Variants in AK5 observed in about 807,000 individuals in gnomAD.
AK5 encodes adenylate kinase isoenzyme 5.
AK5 carries 27 observed loss-of-function variants against 69.5 expected under a neutral mutation model. The ratio of observed to expected loss-of-function variants is 0.39; its 90% CI spans 0.29 to 0.54. The LOEUF is 0.54. AK5 is among the 20% of genes least tolerant of loss of function. The pLI is 0.71. For missense variants in AK5, 531 were observed against 700.4 expected (o/e 0.76, Z 2.73); for synonymous variants, 260 against 244.4 (o/e 1.06, Z -0.60).
chr1:77,497,566 A>T (rs1275554272), intron 10 of AK5, among the ~76,000 whole-genome samples: 1 of 152,172 alleles, frequency 6.6e-6, no homozygotes, highest in Non-Finnish European at 1.5e-5. Context: ...GAAGAAATAG[A>T]GTTTGAGAGA....
chr1:77,393,363 T>C (rs185621479), intron 6 of AK5, among the ~76,000 whole-genome samples: 1 of 152,304 alleles, frequency 6.6e-6, no homozygotes, highest in East Asian at 1.9e-4. Flanking sequence ...TAGTGTCTGC[T>C]TGATTCAAAA....
chr1:77,404,822 C>A (rs1179539343), intron 6 of AK5, among the ~76,000 whole-genome samples: 1 of 152,164 alleles, frequency 6.6e-6, no homozygotes, highest in Non-Finnish European at 1.5e-5. Context: ...GTTGAAGAAT[C>A]CACATGTGAA....
At position 77,510,661 on chromosome 1, in the gene AK5, A is replaced by G. The variant is rs182075380; in HGVS notation, c.1148-7903A>G. ...ATGCCAACCGAGAGAAATATATTTC[A>G]TATGGACAAAAAAGAGAGCGTCAAG... On this transcript the variant is annotated intron_variant, in intron 10 of 13. Coordinates refer to ENST00000354567, the MANE Select transcript of AK5 (RefSeq NM_174858.3). Among the ~76,000 whole-genome samples, 169 of 152,288 alleles carry G rather than the reference A, an allele frequency of 1.1e-3. 1 individual carries two copies. Among genetic ancestry groups the G allele is most frequent in the African/African-American group, 3.5e-3 (147 of 41,570 alleles).
chr1:77,343,199 TGTG>T (rs1661745634), intron 6 of AK5, among the ~76,000 whole-genome samples: 1 of 152,202 alleles, frequency 6.6e-6, no homozygotes, highest in Non-Finnish European at 1.5e-5. Flanking sequence ...TGGGATTCCC[TGTG>T]GTGAATAAAA....
chr1:77,484,746 G>T (rs1389338874), intron 9 of AK5, among the ~76,000 whole-genome samples: 1 of 152,008 alleles, frequency 6.6e-6, no homozygotes, highest in East Asian at 1.9e-4. Flanking sequence ...TAACATTTTG[G>T]TACATTTCAT....
chr1:77,303,586 A>T (rs1659460993), intron 5 of AK5, among the ~76,000 whole-genome samples: 1 of 152,246 alleles, frequency 6.6e-6, no homozygotes, highest in Non-Finnish European at 1.5e-5. Flanking sequence ...TCCTGTCGCC[A>T]CTGCGAAACT....
At chr1:77,524,051 C>A (rs1658141401) in intron 12 of AK5, among the ~76,000 whole-genome samples, 2 of 152,168 alleles carry the variant, frequency 1.3e-5, no homozygotes, top group Non-Finnish European at 2.9e-5. Flanking sequence ...ATTCTAGGTA[C>A]CTCTTATTTC....
At chr1:77,387,948 G>C (rs1324629609) in intron 6 of AK5, among the ~76,000 whole-genome samples, 1 of 150,578 alleles carries the variant, frequency 6.6e-6, no homozygotes, top group Non-Finnish European at 1.5e-5. Context: ...CATTATTTCT[G>C]TGTTAAAATT....
intron 6 of AK5, among the ~76,000 whole-genome samples, chr1:77,377,520 A>G (rs978189194): frequency 6.6e-6 from 1 of 152,108 alleles, no homozygotes; most frequent in Non-Finnish European, 1.5e-5. Flanking sequence ...TCTTGCTGAC[A>G]TTACTACAAT....
At chr1:77,344,819 G>A (rs969042131) in intron 6 of AK5, among the ~76,000 whole-genome samples, 6 of 151,762 alleles carry the variant, frequency 4.0e-5, no homozygotes, top group African/African-American at 1.5e-4. Flanking sequence ...CCCATCACCT[G>A]AGCAGTATTT....
At chr1:77,494,492 C>T (rs1656178862) in intron 10 of AK5, among the ~76,000 whole-genome samples, 2 of 152,082 alleles carry the variant, frequency 1.3e-5, no homozygotes, top group African/African-American at 4.8e-5. Context: ...GTTCTGTGTA[C>T]CCTTGGGCCA....
chr1:77,399,092 C>T (rs74469566), intron 6 of AK5, among the ~76,000 whole-genome samples: 12,870 of 152,052 alleles, frequency 0.085, 729 homozygotes, highest in South Asian at 0.17. Context: ...TTTCAGCTAC[C>T]CCCAATAGAA....
intron 8 of AK5, among the ~76,000 whole-genome samples, chr1:77,454,065 C>G (rs1200892377): frequency 6.6e-6 from 1 of 152,138 alleles, no homozygotes; most frequent in African/African-American, 2.4e-5. Flanking sequence ...ACATGAGATG[C>G]TTATTGTTCA....
intron 6 of AK5, among the ~76,000 whole-genome samples, chr1:77,408,097 G>C (rs917131670): frequency 1.3e-5 from 2 of 152,080 alleles, no homozygotes; most frequent in African/African-American, 4.8e-5. Flanking sequence ...GAACATATGA[G>C]TGCATTTGTC....
rs111658746 is a variant in AK5 at position 77,319,571 on chromosome 1, G to T, written c.700-20806G>T. Among the ~76,000 whole-genome samples, 947 of 152,236 alleles carry T rather than the reference G, an allele frequency of 6.2e-3. 9 individuals carry two copies. Among genetic ancestry groups the T allele is most frequent in the African/African-American group, 0.021 (882 of 41,524 alleles). ...TGCCTCATAAGGATGAGTGACAAAA[G>T]GCTGCCCAGTGGTAACATTTTGTAT... On this transcript the variant is annotated intron_variant, in intron 5 of 13. Coordinates refer to ENST00000354567, the MANE Select transcript of AK5 (RefSeq NM_174858.3).
At chr1:77,384,265 G>A (rs1406953333) in intron 6 of AK5, among the ~76,000 whole-genome samples, 2 of 152,176 alleles carry the variant, frequency 1.3e-5, no homozygotes, top group East Asian at 3.8e-4. Flanking sequence ...ATTGCAGGCA[G>A]CAGTGTTTTA....
At chr1:77,364,417 A>G (rs1646915998) in intron 6 of AK5, among the ~76,000 whole-genome samples, 1 of 152,134 alleles carries the variant, frequency 6.6e-6, no homozygotes, top group Non-Finnish European at 1.5e-5. Context: ...AAATTGTATG[A>G]TATGCTATTG....
intron 6 of AK5, among the ~76,000 whole-genome samples, chr1:77,365,230 G>C (rs77883936): frequency 7.6e-4 from 115 of 152,224 alleles, no homozygotes; most frequent in Non-Finnish European, 1.4e-3. Context: ...TTCCGCTGTG[G>C]AGATGTTTGA....
intron 13 of AK5, 21 bp downstream of exon 13, chr1:77,536,059 C>G (rs1557661165): frequency 1.3e-6 from 2 of 1,583,970 alleles, no homozygotes; most frequent in East Asian, 2.2e-5. Context: ...TCACTTTCTC[C>G]TCTGAAATGA....
Sources: allele counts gnomAD v4.1 joint callset (sites outside exome capture counted in the v4.1 genomes callset), GRCh38; gene constraint gnomAD v4.1.1; transcripts MANE v1.5; gene names NCBI Gene and HGNC (gene_info 2026-07-23, HGNC 2026-07-21).